TAFA2: variants seen among roughly 807,000 people sequenced by gnomAD.
The protein encoded by TAFA2 is chemokine-like protein TAFA-2.
TAFA2 carries 7 observed loss-of-function variants against 18.8 expected under a neutral mutation model. That is an observed-to-expected ratio of 0.37 (90% CI 0.21 to 0.70). The LOEUF is 0.70. TAFA2 is among the 30% of genes least tolerant of loss of function. The pLI, the probability that TAFA2 is intolerant of heterozygous loss-of-function variation, is 0.53. For missense variants in TAFA2, 122 were observed against 158.1 expected, an observed-to-expected ratio of 0.77 and a Z score of 1.23; for synonymous variants, 60 against 54.2, an observed-to-expected ratio of 1.11 and a Z score of -0.47.
intron 1 of TAFA2, among the ~76,000 whole-genome samples, chr12:61,996,512 C>T (rs970795743): frequency 6.6e-6 from 1 of 152,140 alleles, no homozygotes; most frequent in Non-Finnish European, 1.5e-5. Flanking sequence ...TGTTGCAACT[C>T]TTGCCTACAT....
At chr12:61,832,087 T>C (rs1163427328) in intron 2 of TAFA2, among the ~76,000 whole-genome samples, 1 of 152,110 alleles carries the variant, frequency 6.6e-6, no homozygotes, top group Non-Finnish European at 1.5e-5. Context: ...AATGTGATCT[T>C]GCCACTCAAT....
chr12:61,810,781 G>A (rs1871833400), intron 2 of TAFA2, among the ~76,000 whole-genome samples: 1 of 151,086 alleles, frequency 6.6e-6, no homozygotes, highest in Non-Finnish European at 1.5e-5. Context: ...ACAATCCTCA[G>A]TGATCTCTTT....
At chr12:61,851,039 T>C (rs1873621077) in intron 2 of TAFA2, among the ~76,000 whole-genome samples, 1 of 152,228 alleles carries the variant, frequency 6.6e-6, no homozygotes, top group Non-Finnish European at 1.5e-5. Context: ...GACCATATCA[T>C]AATTATATTT....
intron 1 of TAFA2, among the ~76,000 whole-genome samples, chr12:62,131,028 T>C (rs1870661084): frequency 6.6e-6 from 1 of 151,940 alleles, no homozygotes; most frequent in African/African-American, 2.4e-5. Flanking sequence ...AAAAGCCAGC[T>C]GACATAAAAT....
intron 1 of TAFA2, among the ~76,000 whole-genome samples, chr12:61,995,990 A>G (rs1371092828): frequency 6.6e-5 from 10 of 152,082 alleles, no homozygotes; most frequent in African/African-American, 9.7e-5. Context: ...CCTCCCCCAC[A>G]AAAAGACAAT....
Position 61,709,897 on chromosome 12 carries a change from T to C in TAFA2, c.*509A>G, listed in dbSNP as rs1229921916. On this transcript the variant is annotated 3_prime_UTR_variant, in exon 5 of 5. Transcript: ENST00000416284. ...GGCTTTCTGAGCTCCAAGATTAGGA[T>C]ATAAATAAAATTGTCTCAGTCTACA... 1 of 152,698 alleles carries C rather than the reference T, an allele frequency of 6.5e-6. No homozygotes were observed. Among genetic ancestry groups the C allele is most frequent in the African/African-American group, 2.4e-5 (1 of 41,442 alleles). The allele number at this position is 152,698 out of a possible 1,614,324, so 9.5% of individuals were successfully genotyped here.
chr12:61,780,862 AT>A (rs1870474963), intron 2 of TAFA2, among the ~76,000 whole-genome samples: 1 of 151,716 alleles, frequency 6.6e-6, no homozygotes, highest in African/African-American at 2.4e-5. Context: ...CTTCCTTGCC[AT>A]TTTTAACAAG....
intron 2 of TAFA2, among the ~76,000 whole-genome samples, chr12:61,823,129 T>C (rs1872390625): frequency 6.6e-6 from 1 of 152,208 alleles, no homozygotes; most frequent in Non-Finnish European, 1.5e-5. Context: ...AGTTTTATTC[T>C]TCATACACCA....
intron 1 of TAFA2, among the ~76,000 whole-genome samples, chr12:62,050,488 C>A (rs1190150073): frequency 6.6e-6 from 1 of 151,502 alleles, no homozygotes; most frequent in Non-Finnish European, 1.5e-5. Context: ...AGGAGACTGG[C>A]GTGAACCCGG....
intron 1 of TAFA2, among the ~76,000 whole-genome samples, chr12:61,929,159 T>TAAAA (rs57143585): frequency 7.4e-6 from 1 of 134,746 alleles, no homozygotes; most frequent in Non-Finnish European, 1.6e-5. Flanking sequence ...AAGTATAATT[T>TAAAA]AAAAAAAAAA....
At chr12:61,726,801 C>T (rs531492249) in intron 4 of TAFA2, among the ~76,000 whole-genome samples, 2 of 151,948 alleles carry the variant, frequency 1.3e-5, no homozygotes, top group Non-Finnish European at 2.9e-5. Context: ...TTGTCTTGTT[C>T]CAGTTCTCAG....
chr12:62,258,854 G>C, upstream of TAFA2: 1 of 231,416 alleles, frequency 4.3e-6, no homozygotes, highest in South Asian at 3.4e-5. Flanking sequence ...TGGAAAAAGG[G>C]GGAAAATGTG....
intron 2 of TAFA2, among the ~76,000 whole-genome samples, chr12:61,773,096 T>C (rs1232317929): frequency 6.6e-6 from 1 of 151,676 alleles, no homozygotes; most frequent in Non-Finnish European, 1.5e-5. Context: ...AGAACTCAAC[T>C]CATTTTATGA....
chr12:61,910,332 A>G (rs1876556444), intron 1 of TAFA2, among the ~76,000 whole-genome samples: 1 of 152,200 alleles, frequency 6.6e-6, no homozygotes, highest in African/African-American at 2.4e-5. Flanking sequence ...AGTATGAATT[A>G]TAAGATATAA....
intron 1 of TAFA2, among the ~76,000 whole-genome samples, chr12:61,872,216 A>G (rs1477138102): frequency 2.0e-5 from 3 of 152,196 alleles, no homozygotes; most frequent in Non-Finnish European, 4.4e-5. Context: ...AGATGTATAA[A>G]AAAGATAAAA....
intron 1 of TAFA2, among the ~76,000 whole-genome samples, chr12:62,163,982 GAT>G (rs1279428996): frequency 6.6e-6 from 1 of 152,082 alleles, no homozygotes; most frequent in African/African-American, 2.4e-5. Context: ...CACTTCAACA[GAT>G]ACTTCTATAA....
chr12:61,987,812 A>G (rs1041724222), intron 1 of TAFA2, among the ~76,000 whole-genome samples: 4 of 152,114 alleles, frequency 2.6e-5, no homozygotes, highest in African/African-American at 4.8e-5. Flanking sequence ...GCCCCATAAC[A>G]GAGTGTCCTC....
intron 1 of TAFA2, among the ~76,000 whole-genome samples, chr12:62,124,406 C>T (rs1444247014): frequency 1.3e-5 from 2 of 151,704 alleles, no homozygotes; most frequent in Non-Finnish European, 2.9e-5. Context: ...GTATATTGAG[C>T]CTACAGTCAC....
chr12:62,177,053 A>T (rs2136947139), intron 1 of TAFA2, among the ~76,000 whole-genome samples: 1 of 152,362 alleles, frequency 6.6e-6, no homozygotes, highest in South Asian at 2.1e-4. Context: ...CACGTGAAGT[A>T]CTTAGCACAG....
Sources: allele counts gnomAD v4.1 joint callset (sites outside exome capture counted in the v4.1 genomes callset), GRCh38; gene constraint gnomAD v4.1.1; transcripts MANE v1.5; gene names NCBI Gene and HGNC (gene_info 2026-07-23, HGNC 2026-07-21).